Variants in ERG observed in about 807,000 individuals in gnomAD.
The protein encoded by ERG is ETS transcription factor ERG, also known as transcriptional regulator ERG.
Under a neutral mutation model 55.3 loss-of-function variants are expected in ERG, and 9 were observed. That is an observed-to-expected ratio of 0.16 (90% CI 0.10 to 0.28). The LOEUF is 0.28. ERG is among the 10% of genes least tolerant of loss of function. The pLI, the probability that ERG is intolerant of heterozygous loss-of-function variation, is 1.00. For missense variants in ERG, 434 were observed against 631.6 expected, an observed-to-expected ratio of 0.69 and a Z score of 3.35; for synonymous variants, 223 against 237.3, an observed-to-expected ratio of 0.94 and a Z score of 0.55.
chr21:38,552,020 C>T (rs1345486409), intron 2 of ERG, among the ~76,000 whole-genome samples: 2 of 152,160 alleles, frequency 1.3e-5, no homozygotes, highest in African/African-American at 2.4e-5. Context: ...AATCTGAGTG[C>T]TCCAGCATTG....
intron 2 of ERG, among the ~76,000 whole-genome samples, chr21:38,520,430 C>A (rs941135392): frequency 6.6e-6 from 1 of 152,168 alleles, no homozygotes; most frequent in African/African-American, 2.4e-5. Flanking sequence ...GAGGAACAGA[C>A]ACAAGCCAGG....
intron 1 of ERG, among the ~76,000 whole-genome samples, chr21:38,481,795 C>T (rs2059240742): frequency 6.6e-6 from 1 of 152,154 alleles, no homozygotes; most frequent in Non-Finnish European, 1.5e-5. Flanking sequence ...TAAAAGATTG[C>T]TACAGTTTCA....
chr21:38,423,327 G>C (rs188282799), intron 3 of ERG, 83 bp downstream of exon 3: 160 of 1,415,060 alleles, frequency 1.1e-4, no homozygotes, highest in South Asian at 4.0e-5. Context: ...TGCCACAGGT[G>C]GGGGAGAAGA....
At chr21:38,461,821 T>C (rs1175071592) in intron 1 of ERG, among the ~76,000 whole-genome samples, 1 of 152,256 alleles carries the variant, frequency 6.6e-6, no homozygotes, top group Non-Finnish European at 1.5e-5. Flanking sequence ...TTTTATTTTT[T>C]GAGATGAAGT....
At chr21:38,401,732 C>T (rs539187928) in intron 5 of ERG, among the ~76,000 whole-genome samples, 51 of 152,180 alleles carry the variant, frequency 3.4e-4, no homozygotes, top group African/African-American at 1.2e-3. Flanking sequence ...GGTGAGCAGC[C>T]GGTGGCCATG....
rs9975227 is a variant in ERG, at chr21:38,417,809, A to T, written c.388+5601T>A. On this transcript the variant is annotated intron_variant, in intron 3 of 9. Transcript: ENST00000288319. ...ATCTCAAAATAAATAAATAAATAAA[A>T]AATAATAATAAAAAAACAGAAAAAG... Among the ~76,000 whole-genome samples, 621 of 152,192 alleles carry T rather than the reference A, an allele frequency of 4.1e-3. 2 individuals are homozygous for T. The highest frequency in any genetic ancestry group is 7.0e-3 in the Non-Finnish European group (474 of 68,006).
rs1378696725 is a variant in ERG, at chr21:38,441,121, TG to T, written c.236+4282del. ...CTGAGCTCCAGCAGCAGCGGTGAAC[TG>T]GCCCCCCAGAGCACACTGGTTTGGA... On this transcript the variant is annotated intron_variant, in intron 2 of 9. Coordinates refer to ENST00000288319, the MANE Select transcript of ERG (RefSeq NM_182918.4). Among the ~76,000 whole-genome samples, 8 of 152,282 alleles carry T rather than the reference TG, an allele frequency of 5.3e-5. No individual in the cohort carries two copies. The East Asian group carries it at 1.4e-3, about 26-fold the overall frequency.
At chr21:38,446,077 G>C (rs1215749890) in intron 1 of ERG, among the ~76,000 whole-genome samples, 1 of 151,984 alleles carries the variant, frequency 6.6e-6, no homozygotes, top group Non-Finnish European at 1.5e-5. Context: ...GGATTTTGCG[G>C]AAGAGGGACT....
intron 1 of ERG, among the ~76,000 whole-genome samples, chr21:38,476,496 C>T (rs1023161089): frequency 2.6e-5 from 4 of 152,236 alleles, no homozygotes; most frequent in Non-Finnish European, 5.9e-5. Context: ...AATCCACCCT[C>T]CTCTTAACGG....
intron 1 of ERG, among the ~76,000 whole-genome samples, chr21:38,455,810 C>G (rs55859251): frequency 2.1e-5 from 3 of 139,900 alleles, no homozygotes; most frequent in Admixed American, 7.6e-5. Context: ...TCCCATAAGA[C>G]GGGGGTGAGG....
chr21:38,661,735 C>G (rs1197318340), upstream of ERG: 1 of 152,062 alleles, frequency 6.6e-6, no homozygotes, highest in African/African-American at 2.4e-5. Flanking sequence ...GAACCTGTCC[C>G]GCAGCGATCT....
At chr21:38,506,265 CA>C (rs1226172238) in intron 2 of ERG, among the ~76,000 whole-genome samples, 1 of 152,136 alleles carries the variant, frequency 6.6e-6, no homozygotes, top group African/African-American at 2.4e-5. Context: ...TGAGTTGCAT[CA>C]AATTCGGTAA....
At chr21:38,657,164 C>T (rs929250218) in intron 1 of ERG, among the ~76,000 whole-genome samples, 1 of 152,182 alleles carries the variant, frequency 6.6e-6, no homozygotes, top group Non-Finnish European at 1.5e-5. Flanking sequence ...GCCTATTTTA[C>T]ATACTTGAAG....
At chr21:38,430,089 T>C (rs1222453962) in intron 2 of ERG, among the ~76,000 whole-genome samples, 3 of 152,152 alleles carry the variant, frequency 2.0e-5, no homozygotes, top group Non-Finnish European at 2.9e-5. Flanking sequence ...CTATTTTTTT[T>C]TTATTTTTAA....
At chr21:38,509,915 C>G (rs2059498144) in intron 2 of ERG, among the ~76,000 whole-genome samples, 1 of 152,200 alleles carries the variant, frequency 6.6e-6, no homozygotes, top group Admixed American at 6.5e-5. Flanking sequence ...AGCATGGTCT[C>G]TAAGGCTTCC....
In ERG at chr21:38,382,719, A is replaced by C. The variant is rs1252037335; in HGVS notation, c.*684T>G. The C allele has an allele frequency of 9.4e-7, 1 of 1,066,458 alleles. No homozygotes were observed. Among genetic ancestry groups the C allele is most frequent in the Non-Finnish European group, 1.1e-6 (1 of 879,904 alleles). The allele number at this position is 1,066,458 out of a possible 1,614,324, so 66.1% of individuals were successfully genotyped here. A position where few individuals can be genotyped will look rare whatever the true frequency, so the allele number is the denominator to read the frequency against. ...CTTCTTCACCCCTCTGTCTACAATC[A>C]CACGCTCACTCTATACACATCCTCA... On this transcript the variant is annotated 3_prime_UTR_variant, in exon 10 of 10. Coordinates refer to ENST00000288319, the MANE Select transcript of ERG (RefSeq NM_182918.4).
intron 1 of ERG, among the ~76,000 whole-genome samples, chr21:38,482,437 A>G (rs2146652629): frequency 6.6e-6 from 1 of 152,350 alleles, no homozygotes; most frequent in East Asian, 1.9e-4. Flanking sequence ...TGTTGCAGAC[A>G]CTGTGGAAAA....
chr21:38,647,685 C>T, intron 1 of ERG, among the ~76,000 whole-genome samples: 1 of 152,174 alleles, frequency 6.6e-6, no homozygotes, highest in East Asian at 1.9e-4. Context: ...GCACCAGTGC[C>T]TCAGGTGACA....
intron 1 of ERG, among the ~76,000 whole-genome samples, chr21:38,466,112 T>A (rs2836422): frequency 0.46 from 69,755 of 152,042 alleles, 18,434 homozygotes; most frequent in Non-Finnish European, 0.6. Flanking sequence ...TTTAAATTTG[T>A]CCCCAGTACT....
Sources: allele counts gnomAD v4.1 joint callset (sites outside exome capture counted in the v4.1 genomes callset), GRCh38; gene constraint gnomAD v4.1.1; transcripts MANE v1.5; gene names NCBI Gene and HGNC (gene_info 2026-07-23, HGNC 2026-07-21).